Variants in KLRF2 observed in about 807,000 individuals in gnomAD.
The protein encoded by KLRF2 is killer cell lectin-like receptor subfamily F member 2.
Under a neutral mutation model 25.3 loss-of-function variants are expected in KLRF2, and 28 were observed. The ratio of observed to expected loss-of-function variants is 1.11; its 90% confidence interval spans 0.82 to 1.52. The LOEUF (loss-of-function observed/expected upper bound fraction) is 1.52, where lower values mean the gene tolerates loss of function less well. KLRF2 is among the 40% of genes most tolerant of loss of function. The pLI, the probability that KLRF2 is intolerant of heterozygous loss-of-function variation, is 0.00. For synonymous variants in KLRF2, 73 were observed against 85.0 expected, an observed-to-expected ratio of 0.86 and a Z score of 0.78; for missense variants, 265 against 245.8, an observed-to-expected ratio of 1.08 and a Z score of -0.52.
At chr12:9,887,928 C>T (rs1381546794) in intron 2 of KLRF2, among the ~76,000 whole-genome samples, 3 of 150,768 alleles carry the variant, frequency 2.0e-5, no homozygotes, top group East Asian at 1.9e-4. Flanking sequence ...TGGAAGTGTG[C>T]GCCTGTACTC....
chr12:9,887,825 G>T (rs190114225), intron 2 of KLRF2, among the ~76,000 whole-genome samples: 1 of 151,668 alleles, frequency 6.6e-6, no homozygotes, highest in East Asian at 1.9e-4. Context: ...GCCAAGGCAG[G>T]TGGAGCGCTT....
intron 5 of KLRF2, among the ~76,000 whole-genome samples, chr12:9,894,167 CTTTG>C (rs1463163132): frequency 2.3e-5 from 3 of 128,112 alleles, no homozygotes; most frequent in African/African-American, 6.1e-5. Context: ...TCCCTTCCTT[CTTTG>C]TTTCTTTCTT....
chr12:9,886,763 CAAAAA>C (rs770999069), intron 2 of KLRF2, among the ~76,000 whole-genome samples: 36 of 103,520 alleles, frequency 3.5e-4, no homozygotes, highest in Non-Finnish European at 4.9e-4. Context: ...CTATATCATG[CAAAAA>C]AAAAAAAAAA....
chr12:9,892,535 CT>C (rs906312158), intron 3 of KLRF2, among the ~76,000 whole-genome samples: 10 of 151,042 alleles, frequency 6.6e-5, no homozygotes, highest in Admixed American at 2.6e-4. Context: ...TGCCCGACTC[CT>C]GGAAATACAC....
chr12:9,889,424 A>G (rs145505859), intron 3 of KLRF2, among the ~76,000 whole-genome samples: 15 of 152,290 alleles, frequency 9.8e-5, no homozygotes, highest in African/African-American at 3.6e-4. Flanking sequence ...TATCCTCCAT[A>G]AAGTGGGTGG....
At chr12:9,888,861 G>A in intron 3 of KLRF2, 81 bp downstream of exon 3, 1 of 796,788 alleles carries the variant, frequency 1.3e-6, no homozygotes, top group Non-Finnish European at 2.1e-6. Context: ...GTTCACCCAT[G>A]TTACACAGTA....
intron 1 of KLRF2, among the ~76,000 whole-genome samples, 182 bp from the exon 2 acceptor site, chr12:9,884,752 G>A (rs1033624313): frequency 1.3e-5 from 2 of 151,034 alleles, no homozygotes; most frequent in Admixed American, 6.6e-5. Flanking sequence ...AATCCAAAAC[G>A]TTTAATAATA....
rs769821587 is a variant in KLRF2, at chr12:9,883,281, T to C, written c.70+1616T>C. Among the ~76,000 whole-genome samples, 37 of 152,178 alleles carry C rather than the reference T, an allele frequency of 2.4e-4. 1 individual carries two copies. The highest frequency in any genetic ancestry group is 1.3e-4 in the Admixed American group (2 of 15,278). On this transcript the variant is annotated intron_variant, in intron 1 of 5. Transcript: ENST00000535540. ...TTTTCCTGAGTTCTCATGAAGCACATAAAATAATACAATTAGTGTTCTTGC... is the reference window on the plus strand; with the variant it reads ...TTTTCCTGAGTTCTCATGAAGCACACAAAATAATACAATTAGTGTTCTTGC...
rs1452753319 is a variant in KLRF2 at position 9,881,667 on chromosome 12, T to C, written c.70+2T>C. The C allele has an allele frequency of 6.5e-6, 10 of 1,531,624 alleles. No individual in the cohort carries two copies. The highest frequency in any genetic ancestry group is 1.2e-5 in the South Asian group (1 of 83,954). 94.9% of individuals were successfully genotyped at this position (1,531,624 alleles called of 1,614,324 possible). A position where few individuals can be genotyped will look rare whatever the true frequency, so the allele number is the denominator to read the frequency against. On this transcript the variant is annotated splice_donor_variant, in intron 1 of 5. Transcript: ENST00000535540. LOFTEE classifies it high-confidence loss of function. ...GTAAATCGAAGCAGAAATCTAAAGGTAGGAATACTGCTCCCCATCACCGCA... is the reference window on the plus strand; with the variant it reads ...GTAAATCGAAGCAGAAATCTAAAGGCAGGAATACTGCTCCCCATCACCGCA...
At chr12:9,888,443 T>C (rs776734621) in intron 2 of KLRF2, among the ~76,000 whole-genome samples, 15 of 151,862 alleles carry the variant, frequency 9.9e-5, no homozygotes, top group East Asian at 1.9e-4. Context: ...TGAGCCGAGA[T>C]TGCGCCACTG....
At chr12:9,883,632 A>G (rs987084527) in intron 1 of KLRF2, among the ~76,000 whole-genome samples, 3 of 152,250 alleles carry the variant, frequency 2.0e-5, no homozygotes, top group Non-Finnish European at 2.9e-5. Flanking sequence ...ATGTATTTTG[A>G]CGATTTTCAA....
intron 3 of KLRF2, among the ~76,000 whole-genome samples, chr12:9,889,064 A>G (rs1288853314): frequency 6.6e-6 from 1 of 152,236 alleles, no homozygotes; most frequent in Non-Finnish European, 1.5e-5. Flanking sequence ...CCAAATATTT[A>G]TCGAGCATCC....
intron 3 of KLRF2, among the ~76,000 whole-genome samples, chr12:9,890,647 A>G (rs1322689959): frequency 6.6e-6 from 1 of 152,248 alleles, no homozygotes; most frequent in Non-Finnish European, 1.5e-5. Context: ...CTTACATCTG[A>G]TTAAGCCAGA....
Position 9,895,762 on chromosome 12 carries a change from T to A in KLRF2, c.553T>A (p.Cys185Ser), listed in dbSNP as rs1462015596. Residue 185 changes from cysteine to serine, a missense_variant, in exon 6 of 6, where the codon TGT becomes AGT. Coordinates refer to ENST00000535540, the MANE Select transcript of KLRF2 (RefSeq NM_001190765.1). ...ITGNWVYSED[C>S]SSTFKGICQR... ...AGGAAACTGGGTGTATTCTGAAGACTGTAGCTCCACATTTAAGGGCATTTG... is the reference window on the plus strand; with the variant it reads ...AGGAAACTGGGTGTATTCTGAAGACAGTAGCTCCACATTTAAGGGCATTTG... 1.3e-6 allele frequency: 2 copies of A among 1,535,822 alleles called. No homozygotes were observed. Among genetic ancestry groups the A allele is most frequent in the African/African-American group, 2.7e-5 (2 of 73,050 alleles).
intron 3 of KLRF2, among the ~76,000 whole-genome samples, chr12:9,890,920 TAGTC>T (rs1287041699): frequency 3.3e-5 from 5 of 152,202 alleles, no homozygotes; most frequent in Non-Finnish European, 7.3e-5. Flanking sequence ...TATCCTCTAA[TAGTC>T]AGCATTAAAA....
chr12:9,883,021 A>G (rs1056039363), intron 1 of KLRF2, among the ~76,000 whole-genome samples: 49 of 152,336 alleles, frequency 3.2e-4, no homozygotes, highest in African/African-American at 1.2e-3. Flanking sequence ...AAAATATAAG[A>G]TAATATCCAT....
intron 1 of KLRF2, among the ~76,000 whole-genome samples, chr12:9,883,799 A>T (rs1868120064): frequency 6.6e-6 from 1 of 152,222 alleles, no homozygotes. Flanking sequence ...TATACTATAG[A>T]TCTAATCAAA....
In KLRF2 at chr12:9,888,718, T is replaced by G; in HGVS notation, c.170-15T>G. 1.4e-6 allele frequency: 2 copies of G among 1,425,158 alleles called. No homozygotes were observed. The highest frequency in any genetic ancestry group is 1.9e-6 in the Non-Finnish European group (2 of 1,046,808). 88.3% of individuals were successfully genotyped at this position (1,425,158 alleles called of 1,614,324 possible). Reference sequence around the variant, plus strand: ...TTTAAATGTTTCTCATATCTTTTCTTTGCACTGAGTACAGATAAAAAAATG... The same window carrying G: ...TTTAAATGTTTCTCATATCTTTTCTGTGCACTGAGTACAGATAAAAAAATG... On this transcript the variant is annotated splice_polypyrimidine_tract_variant and intron_variant, in intron 2 of 5. Coordinates refer to ENST00000535540, the MANE Select transcript of KLRF2 (RefSeq NM_001190765.1).
At position 9,895,751 on chromosome 12, in the gene KLRF2, A is replaced by G; in HGVS notation, c.542A>G (p.Tyr181Cys). 6.5e-7 allele frequency: 1 copy of G among 1,535,990 alleles called. No homozygotes were observed. The highest frequency in any genetic ancestry group is 1.2e-5 in the South Asian group (1 of 84,052). ...GCCGTTATCACAGGAAACTGGGTGT[A>G]TTCTGAAGACTGTAGCTCCACATTT... is the stretch of plus-strand genomic sequence containing the variant. ...SCAVITGNWV[Y>C]SEDCSSTFKG... The change falls in exon 6 of 6, where the codon TAT (tyrosine) becomes TGT (cysteine). Residue 181 changes from tyrosine to cysteine, a missense_variant. Transcript: ENST00000535540.
Sources: gnomAD v4.1 joint callset for allele counts (sites outside exome capture counted in the v4.1 genomes callset) on GRCh38, gnomAD v4.1.1 for gene constraint, MANE v1.5 for transcripts, NCBI Gene and HGNC (gene_info 2026-07-23, HGNC 2026-07-21) for gene names.